PCDHA9: variants seen among roughly 807,000 people sequenced by gnomAD.
PCDHA9 encodes protocadherin alpha 9.
In PCDHA9, 62 loss-of-function variants were observed where a neutral mutation model predicts 62.0. That is an observed-to-expected ratio of 1.00 (90% CI 0.81 to 1.23). The LOEUF is 1.23. PCDHA9 is among the 50% of genes most tolerant of loss of function. The pLI is 0.00. For synonymous variants in PCDHA9, 557 were observed against 567.6 expected (o/e 0.98, Z 0.27); for missense variants, 1,205 against 1,249.8 (o/e 0.96, Z 0.54).
chr5:140,859,463 A>C (rs1189832254), intron 1 of PCDHA9: 1 of 215,224 alleles, frequency 4.6e-6, no homozygotes, highest in African/African-American at 2.3e-5. Context: ...ACAAAACTAC[A>C]CTATCAATTG....
intron 1 of PCDHA9, among the ~76,000 whole-genome samples, chr5:140,975,611 A>C (rs191363875): frequency 7.0e-4 from 106 of 152,356 alleles, no homozygotes; most frequent in African/African-American, 2.4e-3. Flanking sequence ...GATGTCTTCC[A>C]CATGGATTTC....
chr5:140,881,659 T>C (rs2058783076), intron 1 of PCDHA9, among the ~76,000 whole-genome samples: 1 of 152,240 alleles, frequency 6.6e-6, no homozygotes, highest in African/African-American at 2.4e-5. Flanking sequence ...CTTCACCGAT[T>C]TTATTCTTAT....
chr5:140,857,703 T>C (rs782327503), intron 1 of PCDHA9: 6 of 1,597,222 alleles, frequency 3.8e-6, no homozygotes, highest in Middle Eastern at 1.8e-4. Flanking sequence ...ACGCTGCAGG[T>C]GTTCGTGCTG....
chr5:140,966,149 G>C (rs1347243484), intron 1 of PCDHA9: 1 of 167,682 alleles, frequency 6.0e-6, no homozygotes, highest in Non-Finnish European at 1.3e-5. Flanking sequence ...TTCCTGAATT[G>C]CGCTTGGAGA....
intron 1 of PCDHA9, among the ~76,000 whole-genome samples, chr5:140,901,970 G>T (rs1178784932): frequency 1.3e-5 from 2 of 151,954 alleles, no homozygotes; most frequent in Non-Finnish European, 2.9e-5. Context: ...TCGTAAATGG[G>T]ATTACTTTTT....
At chr5:140,978,711 C>G (rs1306070484) in intron 1 of PCDHA9, among the ~76,000 whole-genome samples, 2 of 152,238 alleles carry the variant, frequency 1.3e-5, no homozygotes, top group Non-Finnish European at 2.9e-5. Flanking sequence ...GTGGCCTTTA[C>G]AAGATTATTA....
rs2150479866 is a variant in PCDHA9 at position 140,850,326 on chromosome 5, C to A, written c.1831C>A (p.Leu611Met). The change falls in exon 1 of 4, where the codon CTG becomes ATG. Residue 611 changes from leucine (L) to methionine (M), a missense_variant. By Grantham distance (15) the Leu-to-Met change is conservative. Coordinates refer to ENST00000532602, the MANE Select transcript of PCDHA9 (RefSeq NM_031857.2). ...SGYNAWLSYE[L>M]QPETASASIP... The stretch of plus-strand genomic sequence containing the variant: ...CTACAACGCGTGGCTTTCATACGAG[C>A]TGCAGCCAGAAACGGCCAGCGCGAG... 3 of 1,597,642 alleles carry A rather than the reference C, an allele frequency of 1.9e-6. No individual in the cohort carries two copies. Among genetic ancestry groups the A allele is most frequent in the East Asian group, 2.2e-5 (1 of 44,828 alleles).
chr5:140,912,612 A>T (rs1286245692), intron 1 of PCDHA9, among the ~76,000 whole-genome samples: 1 of 151,994 alleles, frequency 6.6e-6, no homozygotes, highest in South Asian at 2.1e-4. Context: ...CTCTTGTCTG[A>T]TTACTCTGGA....
chr5:140,983,275 A>C (rs1279699182), intron 3 of PCDHA9, among the ~76,000 whole-genome samples: 1 of 152,230 alleles, frequency 6.6e-6, no homozygotes, highest in Non-Finnish European at 1.5e-5. Flanking sequence ...TGGCTGGGTG[A>C]GTATAGGAAA....
At chr5:141,000,414 TATATA>T (rs1398508145) in intron 3 of PCDHA9, among the ~76,000 whole-genome samples, 89 of 99,526 alleles carry the variant, frequency 8.9e-4, no homozygotes, top group African/African-American at 1.6e-3. Context: ...TATATATATA[TATATA>T]TATTTTTTTT....
chr5:140,979,585 G>T (rs1486792990), intron 2 of PCDHA9, among the ~76,000 whole-genome samples: 1 of 152,156 alleles, frequency 6.6e-6, no homozygotes, highest in Non-Finnish European at 1.5e-5. Context: ...TCCAAATCTA[G>T]CTTACTTTAA....
intron 1 of PCDHA9, chr5:140,927,843 C>T (rs1563097859): frequency 1.2e-6 from 2 of 1,614,186 alleles, no homozygotes; most frequent in Non-Finnish European, 1.7e-6. Context: ...ACGAAGGTGT[C>T]TTTGGTTTAG....
intron 1 of PCDHA9, among the ~76,000 whole-genome samples, chr5:140,899,785 A>C (rs1460475621): frequency 6.6e-6 from 1 of 152,166 alleles, no homozygotes; most frequent in African/African-American, 2.4e-5. Flanking sequence ...CTCTGGTATA[A>C]TTCGGCTGTG....
intron 1 of PCDHA9, among the ~76,000 whole-genome samples, chr5:140,890,952 G>C (rs555852578): frequency 1.9e-4 from 29 of 152,236 alleles, no homozygotes; most frequent in African/African-American, 7.0e-4. Context: ...GGTGAGGAAT[G>C]ATTTCAGGTT....
chr5:140,995,353 G>A lies in PCDHA9; in HGVS notation c.2542+12790G>A, dbSNP rs922727759. 8.5e-5 allele frequency among the ~76,000 whole-genome samples: 13 copies of A among 152,138 alleles called. 1 individual carries two copies. The highest frequency in any genetic ancestry group is 4.2e-4 in the South Asian group (2 of 4,804). ...GTAGTGTAGACGGCATGGATAGGTC[G>A]GACAGAGGGATGATTCACGTACTGG... On this transcript the variant is annotated intron_variant, in intron 3 of 3. Transcript: ENST00000532602.
At chr5:140,854,731 T>A (rs536045745) in intron 1 of PCDHA9, 2 of 150,048 alleles carry the variant, frequency 1.3e-5, no homozygotes, top group Admixed American at 1.3e-4. Flanking sequence ...TCAAGTTTTT[T>A]TCAGCAGCAC....
chr5:140,890,543 CTGAG>C (rs1391853747), intron 1 of PCDHA9, among the ~76,000 whole-genome samples: 1 of 152,012 alleles, frequency 6.6e-6, no homozygotes, highest in African/African-American at 2.4e-5. Context: ...TTTGAAATGA[CTGAG>C]TACTTTTTAT....
At chr5:140,992,457 A>G (rs2097512834) in intron 3 of PCDHA9, among the ~76,000 whole-genome samples, 1 of 152,136 alleles carries the variant, frequency 6.6e-6, no homozygotes, top group Non-Finnish European at 1.5e-5. Context: ...GCAGCAGAGG[A>G]CAGTACTCTT....
At chr5:140,904,091 C>A (rs536225769) in intron 1 of PCDHA9, among the ~76,000 whole-genome samples, 16 of 152,082 alleles carry the variant, frequency 1.1e-4, no homozygotes, top group Non-Finnish European at 1.8e-4. Flanking sequence ...ACATGAATAA[C>A]TACTTTAGTG....
Sources: allele counts gnomAD v4.1 joint callset (sites outside exome capture counted in the v4.1 genomes callset), GRCh38; gene constraint gnomAD v4.1.1; transcripts MANE v1.5; gene names NCBI Gene and HGNC (gene_info 2026-07-23, HGNC 2026-07-21).